Variants in L3MBTL4 observed in about 807,000 individuals in gnomAD.
L3MBTL4 encodes lethal(3)malignant brain tumor-like protein 4.
L3MBTL4 carries 70 observed loss-of-function variants against 84.5 expected under a neutral mutation model. The observed-to-expected ratio is 0.83, with a 90% CI of 0.68 to 1.01. The LOEUF (loss-of-function observed/expected upper bound fraction) is 1.01, where lower values mean the gene tolerates loss of function less well. L3MBTL4 is among the 50% of genes least tolerant of loss of function. The pLI is 0.00. For missense variants in L3MBTL4, 715 were observed against 754.8 expected (o/e 0.95, Z 0.62); for synonymous variants, 274 against 259.8 (o/e 1.05, Z -0.52).
Position 6,384,877 on chromosome 18 carries a change from G to A in L3MBTL4, c.-91+29924C>T, listed in dbSNP as rs182943485. Among the ~76,000 whole-genome samples, 120 of 152,296 alleles carry A rather than the reference G, an allele frequency of 7.9e-4. 1 individual carries two copies. Among genetic ancestry groups the A allele is most frequent in the African/African-American group, 2.8e-3 (115 of 41,572 alleles). ...CTGGGACAAGAAGAGCAAGAGGTAT[G>A]CCATGTTCAAAAGAGAAAGGACAAC... On this transcript the variant is annotated intron_variant, in intron 1 of 18. Coordinates refer to ENST00000317931, the MANE Select transcript of L3MBTL4 (RefSeq NM_001330559.2).
At chr18:6,340,799 C>T (rs2052570674) in intron 1 of L3MBTL4, among the ~76,000 whole-genome samples, 2 of 152,150 alleles carry the variant, frequency 1.3e-5, no homozygotes, top group African/African-American at 4.8e-5. Context: ...TATAGGTCCC[C>T]ACAATGATGC....
At chr18:6,090,948 T>G (rs1251935260) in intron 15 of L3MBTL4, among the ~76,000 whole-genome samples, 1 of 152,122 alleles carries the variant, frequency 6.6e-6, no homozygotes, top group African/African-American at 2.4e-5. Flanking sequence ...TGGAGGCCAG[T>G]GGAAATTATA....
intron 17 of L3MBTL4, among the ~76,000 whole-genome samples, chr18:5,967,497 T>C (rs2052413318): frequency 6.6e-6 from 1 of 152,268 alleles, no homozygotes; most frequent in African/African-American, 2.4e-5. Context: ...CTTCCCTTCT[T>C]TGTTTCTGAT....
chr18:6,283,780 A>G (rs1047771426), intron 4 of L3MBTL4, among the ~76,000 whole-genome samples: 1 of 152,240 alleles, frequency 6.6e-6, no homozygotes, highest in African/African-American at 2.4e-5. Context: ...AAAGCTAAGT[A>G]TAATCACTTG....
chr18:5,966,262 T>C (rs139897016), intron 17 of L3MBTL4, among the ~76,000 whole-genome samples: 6 of 152,294 alleles, frequency 3.9e-5, no homozygotes, highest in African/African-American at 1.4e-4. Flanking sequence ...CTATTCTTAT[T>C]GCATAATGGC....
intron 17 of L3MBTL4, among the ~76,000 whole-genome samples, chr18:5,967,711 G>T (rs146653918): frequency 6.6e-6 from 1 of 152,210 alleles, no homozygotes; most frequent in Admixed American, 6.5e-5. Context: ...CCGAGGATCC[G>T]CAAGAGTTGG....
At chr18:6,121,025 C>G (rs1191623380) in intron 14 of L3MBTL4, among the ~76,000 whole-genome samples, 5 of 152,200 alleles carry the variant, frequency 3.3e-5, no homozygotes, top group South Asian at 4.2e-4. Context: ...TTGGCATCTA[C>G]TAGATAAGTG....
chr18:6,072,151 T>C (rs73378057), intron 16 of L3MBTL4, among the ~76,000 whole-genome samples: 4,041 of 152,282 alleles, frequency 0.027, 163 homozygotes, highest in African/African-American at 0.093. Context: ...CCTAGTAATA[T>C]AGCCTAAAAA....
chr18:6,031,526 C>A, intron 16 of L3MBTL4: 1 of 983,538 alleles, frequency 1.0e-6, no homozygotes, highest in Non-Finnish European at 1.2e-6. Context: ...ATCTGTTTGT[C>A]AGGAATTTAG....
intron 1 of L3MBTL4, among the ~76,000 whole-genome samples, chr18:6,324,853 C>G (rs761852905): frequency 1.3e-5 from 2 of 152,090 alleles, no homozygotes; most frequent in Non-Finnish European, 2.9e-5. Flanking sequence ...ACAATCTACA[C>G]AAAAAAAGGG....
chr18:6,011,954 T>C (rs2054758854), intron 16 of L3MBTL4, among the ~76,000 whole-genome samples: 1 of 152,248 alleles, frequency 6.6e-6, no homozygotes, highest in Non-Finnish European at 1.5e-5. Context: ...CCGATTCCCA[T>C]TAGTAGTAAA....
chr18:6,131,996 T>C (rs1022326645), intron 14 of L3MBTL4, among the ~76,000 whole-genome samples: 3 of 152,180 alleles, frequency 2.0e-5, no homozygotes, highest in Non-Finnish European at 4.4e-5. Flanking sequence ...AGTGATTATA[T>C]GATTAAAACA....
At chr18:5,984,366 T>C (rs911717661) in intron 16 of L3MBTL4, among the ~76,000 whole-genome samples, 1 of 152,242 alleles carries the variant, frequency 6.6e-6, no homozygotes, top group Non-Finnish European at 1.5e-5. Context: ...TGTAGAATAT[T>C]TCCCATCTTA....
At chr18:6,181,284 G>A (rs372626348) in intron 12 of L3MBTL4, among the ~76,000 whole-genome samples, 9 of 151,964 alleles carry the variant, frequency 5.9e-5, no homozygotes, top group East Asian at 3.9e-4. Context: ...TTATTTTGCC[G>A]TCCAGGTAAT....
At chr18:6,174,893 G>T (rs1409750289) in intron 12 of L3MBTL4, among the ~76,000 whole-genome samples, 1 of 147,726 alleles carries the variant, frequency 6.8e-6, no homozygotes, top group Non-Finnish European at 1.5e-5. Context: ...GATGATACAA[G>T]ATTTAAATAA....
intron 14 of L3MBTL4, among the ~76,000 whole-genome samples, chr18:6,107,401 A>G (rs893718119): frequency 6.6e-6 from 1 of 152,136 alleles, no homozygotes; most frequent in Admixed American, 6.5e-5. Flanking sequence ...TGTCTAGACA[A>G]CGGTCTGGAA....
intron 12 of L3MBTL4, among the ~76,000 whole-genome samples, chr18:6,191,432 G>A (rs1040241797): frequency 2.0e-5 from 3 of 152,144 alleles, no homozygotes; most frequent in South Asian, 2.1e-4. Context: ...TGGGAAAGAC[G>A]GAATGGCCAT....
At chr18:5,992,977 C>T (rs751096467) in intron 16 of L3MBTL4, among the ~76,000 whole-genome samples, 22 of 152,212 alleles carry the variant, frequency 1.4e-4, no homozygotes, top group Non-Finnish European at 2.4e-4. Context: ...AGAAGTCGAT[C>T]TGATTTCGAT....
At chr18:6,367,317 A>G (rs572621273) in intron 1 of L3MBTL4, 2 of 152,334 alleles carry the variant, frequency 1.3e-5, no homozygotes, top group South Asian at 2.1e-4. Flanking sequence ...TACCATTGCC[A>G]TTACCTCACT....
Sources: gnomAD v4.1 joint callset for allele counts (sites outside exome capture counted in the v4.1 genomes callset) on GRCh38, gnomAD v4.1.1 for gene constraint, MANE v1.5 for transcripts, NCBI Gene and HGNC (gene_info 2026-07-23, HGNC 2026-07-21) for gene names.